The following SNX7 variants were observed in gnomAD, a reference collection of about 807,000 sequenced individuals.
SNX7 encodes sorting nexin 7.
In SNX7, 35 loss-of-function variants were observed where a neutral mutation model predicts 48.4. That is an observed-to-expected ratio of 0.72 (90% CI 0.55 to 0.96). The LOEUF is 0.96. Ranked by LOEUF, SNX7 falls within the 40% of genes least tolerant of loss-of-function variation. SNX7 has a pLI of 0.00. For synonymous variants in SNX7, 190 were observed against 190.2 expected (o/e 1.00, Z 0.01); for missense variants, 553 against 548.9 (o/e 1.01, Z -0.07).
intron 7 of SNX7, among the ~76,000 whole-genome samples, chr1:98,709,185 C>G (rs1230904530): frequency 1.3e-5 from 2 of 152,074 alleles, no homozygotes; most frequent in African/African-American, 4.8e-5. Context: ...CAGTGCCTAA[C>G]CAGGATTAGA....
At chr1:98,726,898 C>G (rs917145650) in intron 7 of SNX7, among the ~76,000 whole-genome samples, 1 of 152,152 alleles carries the variant, frequency 6.6e-6, no homozygotes, top group Non-Finnish European at 1.5e-5. Context: ...ATGCCTGGCA[C>G]ATAATAGGCA....
At chr1:98,748,663 C>CACAT (rs71679830) in intron 8 of SNX7, among the ~76,000 whole-genome samples, 2 of 151,760 alleles carry the variant, frequency 1.3e-5, no homozygotes, top group African/African-American at 4.8e-5. Context: ...CACACACACA[C>CACAT]ACACACACAC....
At chr1:98,664,938 A>T (rs1465966321) in intron 1 of SNX7, among the ~76,000 whole-genome samples, 1 of 152,234 alleles carries the variant, frequency 6.6e-6, no homozygotes, top group African/African-American at 2.4e-5. Context: ...GAACTAGGTC[A>T]CAATGAGATG....
intron 7 of SNX7, among the ~76,000 whole-genome samples, chr1:98,721,218 T>G (rs1245413272): frequency 6.6e-6 from 1 of 152,080 alleles, no homozygotes; most frequent in African/African-American, 2.4e-5. Context: ...ATTTTCAGAT[T>G]AGGAATGCTG....
intron 1 of SNX7, among the ~76,000 whole-genome samples, chr1:98,684,414 G>A (rs1431640947): frequency 1.3e-5 from 2 of 152,180 alleles, no homozygotes; most frequent in Non-Finnish European, 2.9e-5. Flanking sequence ...GGCAAGGGAT[G>A]CTCTCAGCTT....
At chr1:98,715,257 A>G (rs961203284) in intron 7 of SNX7, among the ~76,000 whole-genome samples, 14 of 152,184 alleles carry the variant, frequency 9.2e-5, no homozygotes, top group African/African-American at 3.1e-4. Context: ...CATGCCTCCT[A>G]TTTTAACTTG....
intron 1 of SNX7, chr1:98,662,811 T>C (rs751500152): frequency 5.7e-5 from 73 of 1,289,160 alleles, no homozygotes; most frequent in African/African-American, 3.0e-5. Context: ...TACCTGGAGA[T>C]ATTAGGTAAA....
chr1:98,746,184 C>G (rs532615110), intron 8 of SNX7, among the ~76,000 whole-genome samples: 1 of 152,050 alleles, frequency 6.6e-6, no homozygotes, highest in Non-Finnish European at 1.5e-5. Context: ...GAATTGTAAG[C>G]TGAACTCAGG....
At chr1:98,713,932 A>G (rs1364633485) in intron 7 of SNX7, among the ~76,000 whole-genome samples, 1 of 152,214 alleles carries the variant, frequency 6.6e-6, no homozygotes, top group African/African-American at 2.4e-5. Flanking sequence ...AGAATTACCA[A>G]AATGTGACAC....
At chr1:98,701,136 A>T (rs1472452371) in intron 6 of SNX7, among the ~76,000 whole-genome samples, 1 of 152,162 alleles carries the variant, frequency 6.6e-6, no homozygotes, top group Non-Finnish European at 1.5e-5. Flanking sequence ...AAAATGAAAG[A>T]TGTAGTTGAA....
intron 1 of SNX7, chr1:98,662,180 A>G (rs1649273790): frequency 3.1e-6 from 1 of 327,756 alleles, no homozygotes; most frequent in African/African-American, 2.1e-5. Context: ...TGGAGTCTGC[A>G]AAGTTGTGAT....
At chr1:98,687,067 A>G (rs1436471192) in intron 2 of SNX7, among the ~76,000 whole-genome samples, 2 of 152,166 alleles carry the variant, frequency 1.3e-5, no homozygotes, top group Admixed American at 6.6e-5. Context: ...TATATAAACT[A>G]GCAAACATTT....
At chr1:98,728,010 A>C (rs1653280459) in intron 7 of SNX7, among the ~76,000 whole-genome samples, 1 of 152,186 alleles carries the variant, frequency 6.6e-6, no homozygotes, top group East Asian at 1.9e-4. Flanking sequence ...GGACTGGCCA[A>C]CATTCAAATT....
At chr1:98,748,325 C>G (rs1172956730) in intron 8 of SNX7, among the ~76,000 whole-genome samples, 1 of 151,876 alleles carries the variant, frequency 6.6e-6, no homozygotes, top group Admixed American at 6.6e-5. Flanking sequence ...GAAAAATATT[C>G]TCATCAGTCC....
In SNX7 at chr1:98,684,935, C is replaced by T. The variant is rs1650706865; in HGVS notation, c.231C>T (p.Ser77=). 2 of 1,592,862 alleles carry T rather than the reference C, an allele frequency of 1.3e-6. No individual in the cohort carries two copies. The highest frequency in any genetic ancestry group is 2.7e-5 in the African/African-American group (2 of 74,596). Residue 77 remains serine (S), a synonymous_variant, in exon 2 of 9, where the codon TCC becomes TCT. Transcript: ENST00000306121. Reference sequence around the variant, plus strand: ...CCTTCAGCCCTATGATGCCAACATCCCCTTTATCAATGATAAACCAAATCA... The same window carrying T: ...CCTTCAGCCCTATGATGCCAACATCTCCTTTATCAATGATAAACCAAATCA... The part of the protein sequence containing the change: ...MNSFSPMMPT[S]PLSMINQIKF...
intron 8 of SNX7, 116 bp downstream of exon 8, chr1:98,738,505 T>C (rs1653909650): frequency 1.0e-6 from 1 of 981,216 alleles, no homozygotes; most frequent in East Asian, 2.6e-5. Context: ...AATGCCTCTC[T>C]GGTAGCTTGG....
chr1:98,742,638 A>G (rs1225542805), intron 8 of SNX7, among the ~76,000 whole-genome samples: 2 of 152,134 alleles, frequency 1.3e-5, no homozygotes, highest in Non-Finnish European at 2.9e-5. Context: ...TATAAAATTA[A>G]TACAGGCTCA....
chr1:98,757,930 T>G (rs1005500875), intron 8 of SNX7, among the ~76,000 whole-genome samples: 3 of 152,060 alleles, frequency 2.0e-5, no homozygotes, highest in Non-Finnish European at 4.4e-5. Flanking sequence ...AGTGATTACT[T>G]CCACTAGGAA....
At chr1:98,744,521 G>C (rs1427256859) in intron 8 of SNX7, among the ~76,000 whole-genome samples, 2 of 151,816 alleles carry the variant, frequency 1.3e-5, no homozygotes. Context: ...GTAGGTATGA[G>C]GAGCATCTCT....
Sources: gnomAD v4.1 joint callset for allele counts (sites outside exome capture counted in the v4.1 genomes callset) on GRCh38, gnomAD v4.1.1 for gene constraint, MANE v1.5 for transcripts, NCBI Gene and HGNC (gene_info 2026-07-23, HGNC 2026-07-21) for gene names.